IFT80: variants seen among roughly 807,000 people sequenced by gnomAD.
The protein encoded by IFT80 is intraflagellar transport 80.
A neutral mutation model predicts 107.9 loss-of-function variants in IFT80; 79 were observed. The observed-to-expected ratio is 0.73, with a 90% CI of 0.61 to 0.88. The LOEUF (loss-of-function observed/expected upper bound fraction) is 0.88, where lower values mean the gene tolerates loss of function less well. Among genes scored for constraint, IFT80 ranks in the 40% least tolerant of loss-of-function variants. The probability of loss-of-function intolerance (pLI) is 0.00; values close to 1 mark genes in which losing one functional copy is unlikely to be tolerated. For synonymous variants in IFT80, 299 were observed against 300.9 expected (o/e 0.99, Z 0.07); for missense variants, 797 against 914.2 (o/e 0.87, Z 1.65).
At chr3:160,383,890 G>A in intron 2 of IFT80, 1 of 985,304 alleles carries the variant, frequency 1.0e-6, no homozygotes, top group Non-Finnish European at 1.2e-6. Context: ...TAAAGAAATA[G>A]AGCACAGTGG....
intron 6 of IFT80, among the ~76,000 whole-genome samples, chr3:160,359,232 A>T (rs1269235889): frequency 1.3e-5 from 2 of 152,180 alleles, no homozygotes; most frequent in South Asian, 2.1e-4. Context: ...GGATACTTTG[A>T]TTCACTCTAC....
chr3:160,294,683 A>G (rs1276135145), intron 12 of IFT80, among the ~76,000 whole-genome samples: 2 of 152,232 alleles, frequency 1.3e-5, no homozygotes. Context: ...TTCAACTCAA[A>G]GTTCCAGAAT....
intron 1 of IFT80, among the ~76,000 whole-genome samples, chr3:160,398,689 A>G (rs1250263725): frequency 1.3e-5 from 2 of 152,216 alleles, no homozygotes; most frequent in African/African-American, 4.8e-5. Flanking sequence ...GGGAACAGGA[A>G]TCGCCAAACT....
chr3:160,293,653 T>C (rs545250097), intron 12 of IFT80, among the ~76,000 whole-genome samples: 3 of 152,148 alleles, frequency 2.0e-5, no homozygotes, highest in South Asian at 4.1e-4. Context: ...ATTTTCTGAG[T>C]GATAGAAGTG....
intron 18 of IFT80, chr3:160,268,739 C>T: frequency 1.8e-6 from 1 of 549,340 alleles, no homozygotes; most frequent in Non-Finnish European, 3.2e-6. Context: ...TTCTCCCTGA[C>T]CAGCTCTTCT....
chr3:160,265,707 A>G (rs1559909047), intron 19 of IFT80, among the ~76,000 whole-genome samples: 1 of 152,192 alleles, frequency 6.6e-6, no homozygotes, highest in African/African-American at 2.4e-5. Context: ...CTAAGTGTCT[A>G]TCAAACTTCT....
At chr3:160,331,858 TG>T (rs1719111506) in intron 8 of IFT80, among the ~76,000 whole-genome samples, 1 of 152,150 alleles carries the variant, frequency 6.6e-6, no homozygotes, top group Non-Finnish European at 1.5e-5. Context: ...ATAAGGTCTA[TG>T]TTGCCCAGGC....
chr3:160,385,818 A>C (rs989642601), intron 1 of IFT80, among the ~76,000 whole-genome samples: 3 of 152,168 alleles, frequency 2.0e-5, no homozygotes, highest in Admixed American at 6.5e-5. Context: ...CAGGGGAAAA[A>C]AGACTAATAA....
intron 19 of IFT80, among the ~76,000 whole-genome samples, chr3:160,263,105 G>A (rs1014417687): frequency 9.2e-5 from 14 of 152,088 alleles, no homozygotes; most frequent in African/African-American, 1.7e-4. Context: ...TCCAAAATGT[G>A]TATATTCTTA....
chr3:160,281,695 A>G (rs985281740), intron 14 of IFT80, among the ~76,000 whole-genome samples: 1 of 152,208 alleles, frequency 6.6e-6, no homozygotes, highest in Non-Finnish European at 1.5e-5. Context: ...TAACTGGTAT[A>G]CAAACTTCCT....
At chr3:160,364,698 T>C (rs1376107514) in intron 6 of IFT80, among the ~76,000 whole-genome samples, 1 of 152,170 alleles carries the variant, frequency 6.6e-6, no homozygotes, top group South Asian at 2.1e-4. Flanking sequence ...TCATGTCCTT[T>C]GCAGGGACAT....
intron 8 of IFT80, among the ~76,000 whole-genome samples, chr3:160,326,716 C>T (rs940280146): frequency 6.6e-6 from 1 of 152,074 alleles, no homozygotes; most frequent in African/African-American, 2.4e-5. Context: ...CAGTATCACA[C>T]TGAAAGGGCA....
chr3:160,381,807 A>G lies in IFT80; in HGVS notation c.38-83T>C. 2.7e-6 allele frequency: 3 copies of G among 1,107,326 alleles called. No homozygotes were observed. In the South Asian group the frequency reaches 3.7e-5, roughly 14 times the overall value. 68.6% of individuals were successfully genotyped at this position (1,107,326 alleles called of 1,614,324 possible). ...TTCACAGATGCAGATTATAAGGTAT[A>G]AGTAAAATAGGGTCAAATGGTTTCA... On this transcript the variant is annotated intron_variant, in intron 2 of 19. Transcript: ENST00000326448.
intron 1 of IFT80, among the ~76,000 whole-genome samples, chr3:160,394,956 G>A (rs1028264764): frequency 2.0e-5 from 3 of 152,114 alleles, no homozygotes; most frequent in Non-Finnish European, 2.9e-5. Flanking sequence ...TAATAATGGA[G>A]ACCCCTAAAA....
chr3:160,268,215 A>C (rs1713499446), intron 19 of IFT80, among the ~76,000 whole-genome samples, 198 bp downstream of exon 19: 1 of 152,226 alleles, frequency 6.6e-6, no homozygotes, highest in Admixed American at 6.5e-5. Context: ...TGAGTTAATC[A>C]AAATATGCCT....
chr3:160,275,776 A>T (rs1714215536), intron 18 of IFT80, among the ~76,000 whole-genome samples: 1 of 152,176 alleles, frequency 6.6e-6, no homozygotes, highest in Admixed American at 6.5e-5. Context: ...TTTCTCTATT[A>T]GCTGGGTAAT....
chr3:160,338,514 C>T (rs1421145449), intron 8 of IFT80, among the ~76,000 whole-genome samples: 1 of 152,084 alleles, frequency 6.6e-6, no homozygotes, highest in African/African-American at 2.4e-5. Context: ...TGCCTGTATT[C>T]CCAGCTACTC....
intron 19 of IFT80, 92 bp downstream of exon 19, chr3:160,268,321 A>T: frequency 8.5e-7 from 1 of 1,176,620 alleles, no homozygotes; most frequent in Non-Finnish European, 1.2e-6. Flanking sequence ...AAGATTCAAA[A>T]TTTGAATCAT....
intron 8 of IFT80, among the ~76,000 whole-genome samples, chr3:160,330,440 TGTGA>T (rs1719008512): frequency 1.3e-5 from 2 of 152,230 alleles, no homozygotes; most frequent in African/African-American, 4.8e-5. Flanking sequence ...CTCCTAGGTA[TGTGA>T]ATATCTGGCT....
Sources: gnomAD v4.1 joint callset for allele counts (sites outside exome capture counted in the v4.1 genomes callset) on GRCh38, gnomAD v4.1.1 for gene constraint, MANE v1.5 for transcripts, NCBI Gene and HGNC (gene_info 2026-07-23, HGNC 2026-07-21) for gene names.